Variants in ETV1 observed in about 807,000 individuals in gnomAD.
The protein encoded by ETV1 is ETS variant transcription factor 1.
A neutral mutation model predicts 62.3 loss-of-function variants in ETV1; 27 were observed. The ratio of observed to expected loss-of-function variants is 0.43; its 90% CI spans 0.32 to 0.60. The LOEUF is 0.60. Among genes scored for constraint, ETV1 ranks in the 20% least tolerant of loss-of-function variants. ETV1 has a pLI of 0.06. For synonymous variants in ETV1, 222 were observed against 199.6 expected, an observed-to-expected ratio of 1.11 and a Z score of -0.94; for missense variants, 605 against 605.8, an observed-to-expected ratio of 1.00 and a Z score of 0.01.
chr7:13,950,342 T>C (rs1205072614), intron 6 of ETV1, among the ~76,000 whole-genome samples: 1 of 152,012 alleles, frequency 6.6e-6, no homozygotes, highest in African/African-American at 2.4e-5. Context: ...GAAGGGAGCA[T>C]CAAACTTTTG....
Position 13,892,542 on chromosome 7 carries a change from A to G in ETV1, c.*3324T>C, listed in dbSNP as rs984629743. ...CTTCCTCCTCCGTGCGGTGTTCTGA[A>G]TAACAGCCCTGCCCTCACCCCTTAC... On this transcript the variant is annotated 3_prime_UTR_variant, in exon 14 of 14. Coordinates refer to ENST00000430479, the MANE Select transcript of ETV1 (RefSeq NM_004956.5). 1.7e-5 allele frequency: 4 copies of G among 232,796 alleles called. No homozygotes were observed. Among genetic ancestry groups the G allele is most frequent in the Non-Finnish European group, 1.7e-5 (2 of 117,882 alleles). The allele number at this position is 232,796 out of a possible 1,614,324, so 14.4% of individuals were successfully genotyped here.
At chr7:13,896,175 T>C (rs1781753609) in intron 13 of ETV1, 88 bp from the exon 14 acceptor site, 3 of 1,060,912 alleles carry the variant, frequency 2.8e-6, no homozygotes, top group Non-Finnish European at 4.2e-6. Flanking sequence ...CGTGGTTTAA[T>C]ATACAGGAAA....
chr7:13,952,263 G>T (rs1788912209), intron 6 of ETV1, among the ~76,000 whole-genome samples: 1 of 152,074 alleles, frequency 6.6e-6, no homozygotes, highest in African/African-American at 2.4e-5. Flanking sequence ...AAGCCATTAG[G>T]CCAAGTCATC....
chr7:13,900,534 T>C, intron 13 of ETV1: 1 of 492,784 alleles, frequency 2.0e-6, no homozygotes, highest in Non-Finnish European at 3.6e-6. Flanking sequence ...TATTATTCTG[T>C]ATACAATATC....
At position 13,939,134 on chromosome 7, in the gene ETV1, C is replaced by A. The variant is rs775525239; in HGVS notation, c.348G>T (p.Lys116Asn). The change falls in exon 7 of 14, where the codon AAG becomes AAT. Residue 116 changes from lysine to asparagine, a missense_variant. Around this residue, in one of 3 missense-constraint regions of ETV1, gnomAD observed 426 missense variants for 377.8 expected, o/e 1.13. Coordinates refer to ENST00000430479, the MANE Select transcript of ETV1 (RefSeq NM_004956.5). Reference protein sequence around the residue: ...EQPFKFSYGEKCLYNVSAYDQ... With the variant: ...EQPFKFSYGENCLYNVSAYDQ... ...GGCTTTACCTGACATTGTACAGGCA[C>A]TTTTCTCCATAGCTGAATTTAAAGG... 2.2e-5 allele frequency: 36 copies of A among 1,613,012 alleles called. No individual in the cohort carries two copies. The highest frequency in any genetic ancestry group is 1.7e-5 in the Admixed American group (1 of 59,790).
In ETV1 at chr7:13,960,503, G is replaced by A. The variant is rs570410586; in HGVS notation, c.235+16924C>T. 7.0e-4 allele frequency among the ~76,000 whole-genome samples: 106 copies of A among 152,126 alleles called. 3 individuals carry two copies. The highest frequency in any genetic ancestry group is 3.4e-3 in the Middle Eastern group (1 of 294). ...CCTTTTACTTACACAGCTTAAAGAA[G>A]TTAATTAGTTCAAAATCACAAAAAT... On this transcript the variant is annotated intron_variant, in intron 6 of 13. Transcript: ENST00000430479.
intron 5 of ETV1, among the ~76,000 whole-genome samples, chr7:13,979,775 G>A (rs1353407673): frequency 6.6e-6 from 1 of 152,042 alleles, no homozygotes; most frequent in Non-Finnish European, 1.5e-5. Flanking sequence ...AAAAATAGCT[G>A]GTGAGTAACA....
chr7:13,959,814 C>T (rs565483948), intron 6 of ETV1, among the ~76,000 whole-genome samples: 17 of 133,876 alleles, frequency 1.3e-4, no homozygotes, highest in African/African-American at 4.7e-4. Flanking sequence ...ACCTGGGAGG[C>T]AGAGGTTACA....
chr7:13,914,076 G>C (rs2128423997), intron 9 of ETV1, among the ~76,000 whole-genome samples: 1 of 151,476 alleles, frequency 6.6e-6, no homozygotes, highest in South Asian at 2.1e-4. Flanking sequence ...GTAGAGACGG[G>C]GTTTCACCAT....
intron 6 of ETV1, among the ~76,000 whole-genome samples, chr7:13,945,930 A>G (rs1005501257): frequency 9.9e-5 from 15 of 152,178 alleles, no homozygotes; most frequent in African/African-American, 3.6e-4. Flanking sequence ...CACTAATTAA[A>G]TTACTTTCGT....
intron 7 of ETV1, 125 bp downstream of exon 7, chr7:13,938,992 A>C: frequency 1.1e-6 from 1 of 870,986 alleles, no homozygotes; most frequent in Non-Finnish European, 1.8e-6. Context: ...TAAATGCATT[A>C]CCTAATTAGC....
At chr7:13,959,853 A>G (rs2128481510) in intron 6 of ETV1, among the ~76,000 whole-genome samples, 1 of 137,792 alleles carries the variant, frequency 7.3e-6, no homozygotes, top group South Asian at 2.5e-4. Flanking sequence ...ACTGCCCTCC[A>G]GCCTGGGCAA....
chr7:13,905,642 A>G (rs1320983899), intron 12 of ETV1, among the ~76,000 whole-genome samples: 1 of 152,188 alleles, frequency 6.6e-6, no homozygotes, highest in Non-Finnish European at 1.5e-5. Context: ...CTCCATTTGT[A>G]TGTGGGGAGT....
intron 6 of ETV1, among the ~76,000 whole-genome samples, chr7:13,951,034 T>C (rs1276072603): frequency 1.3e-5 from 2 of 151,878 alleles, no homozygotes; most frequent in Non-Finnish European, 2.9e-5. Context: ...CCAGGACCTG[T>C]GCTTTCCTAT....
intron 6 of ETV1, among the ~76,000 whole-genome samples, chr7:13,963,263 T>A (rs1251198403): frequency 6.6e-6 from 1 of 152,056 alleles, no homozygotes; most frequent in Non-Finnish European, 1.5e-5. Flanking sequence ...CCTGGCACTA[T>A]GAATATTTGT....
At chr7:13,935,943 A>G in intron 7 of ETV1, 47 bp from the exon 8 acceptor site, 3 of 1,457,750 alleles carry the variant, frequency 2.1e-6, no homozygotes, top group Non-Finnish European at 2.8e-6. Context: ...CTTTGGAGCA[A>G]TTTTTTAAAA....
Position 13,962,684 on chromosome 7 carries a change from C to T in ETV1, c.235+14743G>A, listed in dbSNP as rs998091591. Among the ~76,000 whole-genome samples, 22 of 152,108 alleles carry T rather than the reference C, an allele frequency of 1.4e-4. No homozygotes were observed. In the South Asian group the frequency reaches 2.5e-3, roughly 17 times the overall value. On this transcript the variant is annotated intron_variant, in intron 6 of 13. Transcript: ENST00000430479. ...GACCTATGTATACATAGAACTTAAC[C>T]ACATTTCTACAATCCAAAGCACAAG...
rs897645577 is a variant in ETV1 at position 13,891,559 on chromosome 7, A to C, written c.*4307T>G. The C allele has an allele frequency of 1.3e-5, 3 of 231,286 alleles. No individual in the cohort carries two copies. Among genetic ancestry groups the C allele is most frequent in the African/African-American group, 6.6e-5 (3 of 45,172 alleles). The allele number at this position is 231,286 out of a possible 1,614,324, so 14.3% of individuals were successfully genotyped here. A position where few individuals can be genotyped will look rare whatever the true frequency, so the allele number is the denominator to read the frequency against. On this transcript the variant is annotated 3_prime_UTR_variant, in exon 14 of 14. Transcript: ENST00000430479. ...TAATCAAATTCTCCTCTTAAACTGT[A>C]CTTTCCATAAACTGTTTTTTTTTTA...
At chr7:13,923,907 C>T (rs1279485971) in intron 9 of ETV1, among the ~76,000 whole-genome samples, 4 of 151,932 alleles carry the variant, frequency 2.6e-5, no homozygotes, top group East Asian at 1.9e-4. Flanking sequence ...TGGTGGCGCA[C>T]GCCTGTGATC....
Sources: allele counts gnomAD v4.1 joint callset (sites outside exome capture counted in the v4.1 genomes callset), GRCh38; gene constraint gnomAD v4.1.1; regional missense constraint gnomAD v4.1.1; transcripts MANE v1.5; gene names NCBI Gene and HGNC (gene_info 2026-07-23, HGNC 2026-07-21).